Variants in RREB1 observed in about 807,000 individuals in gnomAD.
The protein encoded by RREB1 is ras responsive element binding protein 1, also known as ras-responsive element-binding protein 1.
Under a neutral mutation model 117.8 loss-of-function variants are expected in RREB1, and 27 were observed. The ratio of observed to expected loss-of-function variants is 0.23; its 90% CI spans 0.17 to 0.32. RREB1 has a LOEUF of 0.32. RREB1 is among the 10% of genes least tolerant of loss of function. The pLI is 1.00. For missense variants in RREB1, 2,577 were observed against 2,378.2 expected (o/e 1.08, Z -1.74); for synonymous variants, 1,298 against 1,026.7 (o/e 1.26, Z -5.05).
In RREB1 at chr6:7,231,917, C is replaced by T; in HGVS notation, c.3808+10C>T. ...ATGCTCACACACACTGGTAAGAGGG[C>T]CACCGGGCTCCCAGGCAGTGAGTCC... On this transcript the variant is annotated intron_variant, in intron 10 of 12. Transcript: ENST00000379938. 6.4e-7 allele frequency: 1 copy of T among 1,568,926 alleles called. No homozygotes were observed.
intron 1 of RREB1, among the ~76,000 whole-genome samples, chr6:7,153,097 G>A (rs1207956808): frequency 7.3e-6 from 1 of 137,636 alleles, no homozygotes; most frequent in Non-Finnish European, 1.5e-5. Context: ...ATTAATCTTT[G>A]TGAGAGGGTT....
intron 1 of RREB1, among the ~76,000 whole-genome samples, chr6:7,166,170 C>T (rs1339897713): frequency 1.3e-5 from 2 of 152,160 alleles, no homozygotes; most frequent in Admixed American, 6.5e-5. Context: ...CCACCCCCAA[C>T]TGCCAGCCCC....
intron 1 of RREB1, among the ~76,000 whole-genome samples, chr6:7,134,474 C>G (rs536492840): frequency 6.6e-6 from 1 of 152,278 alleles, no homozygotes; most frequent in South Asian, 2.1e-4. Flanking sequence ...TTTGGACATT[C>G]TAGAGCAATT....
Position 7,229,989 on chromosome 6 carries a change from C to T in RREB1, c.1890C>T (p.Pro630=), listed in dbSNP as rs928375736. The T allele has an allele frequency of 1.1e-5, 18 of 1,607,318 alleles. No individual in the cohort carries two copies. Among genetic ancestry groups the T allele is most frequent in the South Asian group, 2.2e-5 (2 of 90,750 alleles). ...EGELKAFMTA[P]GGKKTPAMRK... ...AACTCAAGGCCTTCATGACAGCGCC[C>T]GGCGGCAAGAAGACGCCCGCCATGC... is the stretch of plus-strand genomic sequence containing the variant. The change falls in exon 10 of 13, where the codon CCC becomes CCT. Residue 630 remains proline (P), a synonymous_variant. Coordinates refer to ENST00000379938, the MANE Select transcript of RREB1 (RefSeq NM_001003699.4). The surrounding 1 kb of genome is among the most constrained non-coding windows in gnomAD (Gnocchi z 4.5).
intron 1 of RREB1, among the ~76,000 whole-genome samples, chr6:7,150,006 T>TA (rs1260874443): frequency 6.6e-6 from 1 of 151,688 alleles, no homozygotes; most frequent in East Asian, 1.9e-4. Context: ...TTTTTTTTTT[T>TA]TTTTATTCTT....
intron 4 of RREB1, 75 bp downstream of exon 4, chr6:7,182,157 C>A: frequency 7.4e-7 from 1 of 1,345,076 alleles, no homozygotes; most frequent in Non-Finnish European, 1.0e-6. Context: ...TCCGAGTTTC[C>A]TATGATAAAA....
chr6:7,248,902 C>G lies in RREB1; in HGVS notation c.5163C>G (p.Ser1721Arg), dbSNP rs1211412463. The change falls in exon 13 of 13, where the codon AGC becomes AGG. Residue 1721 changes from serine (S) to arginine (R), a missense_variant. Physicochemically the swap from Ser to Arg is moderately radical, Grantham distance 110 (BLOSUM62 -1). Transcript: ENST00000379938. The part of the protein sequence containing the change: ...ALGQDLLEPR[S>R]KRPAHPILAT... ...GGCAGGACCTGCTGGAGCCGCGCAG[C>G]AAGAGGCCTGCCCACCCAATCCTGG... 4.5e-6 allele frequency: 7 copies of G among 1,559,032 alleles called. No homozygotes were observed. Among genetic ancestry groups the G allele is most frequent in the Non-Finnish European group, 6.1e-6 (7 of 1,154,042 alleles).
chr6:7,233,050 C>A (rs1282927230), intron 10 of RREB1, among the ~76,000 whole-genome samples: 3 of 152,190 alleles, frequency 2.0e-5, no homozygotes, highest in Non-Finnish European at 2.9e-5. Context: ...CATGCGCCAC[C>A]ATGCCCAGCT....
At chr6:7,203,880 C>G (rs755728195) in intron 6 of RREB1, among the ~76,000 whole-genome samples, 1 of 152,132 alleles carries the variant, frequency 6.6e-6, no homozygotes, top group Non-Finnish European at 1.5e-5. Context: ...TAGGAATAAA[C>G]GTCAGTATCA....
At chr6:7,224,100 A>T (rs761860239) in intron 8 of RREB1, among the ~76,000 whole-genome samples, 1 of 152,104 alleles carries the variant, frequency 6.6e-6, no homozygotes, top group African/African-American at 2.4e-5. Context: ...TGAATGCCAT[A>T]ATCGTAAAAA....
chr6:7,113,357 CAG>C (rs1319002329), intron 1 of RREB1, among the ~76,000 whole-genome samples: 1 of 152,200 alleles, frequency 6.6e-6, no homozygotes, highest in Non-Finnish European at 1.5e-5. Flanking sequence ...TCCCCCTTTT[CAG>C]AGACTATGGG....
chr6:7,237,385 C>CTT (rs200278722), intron 10 of RREB1, among the ~76,000 whole-genome samples: 7 of 148,626 alleles, frequency 4.7e-5, no homozygotes, highest in Non-Finnish European at 8.9e-5. Flanking sequence ...CCGTGCCGGC[C>CTT]TTTTTTTTTT....
chr6:7,148,602 G>A (rs1197944209), intron 1 of RREB1, among the ~76,000 whole-genome samples: 1 of 151,960 alleles, frequency 6.6e-6, no homozygotes, highest in Non-Finnish European at 1.5e-5. Context: ...TGTTCATCGT[G>A]ATGATCCTGA....
chr6:7,108,276 A>T (rs1760929703), intron 1 of RREB1, among the ~76,000 whole-genome samples: 1 of 151,732 alleles, frequency 6.6e-6, no homozygotes, highest in Non-Finnish European at 1.5e-5. Context: ...GCCAGGGATG[A>T]GCGGGGCAGC....
chr6:7,225,180 T>C (rs1767512196), intron 8 of RREB1, among the ~76,000 whole-genome samples: 2 of 152,184 alleles, frequency 1.3e-5, no homozygotes, highest in African/African-American at 4.8e-5. Context: ...TTTGCCTGGC[T>C]AAAACAGTGA....
chr6:7,244,178 G>T (rs1481974850), intron 11 of RREB1, among the ~76,000 whole-genome samples: 1 of 151,352 alleles, frequency 6.6e-6, no homozygotes, highest in Non-Finnish European at 1.5e-5. Context: ...CAGGAGAATC[G>T]CCTGAACCCA....
At chr6:7,191,596 G>C (rs1279454348) in intron 6 of RREB1, among the ~76,000 whole-genome samples, 1 of 152,092 alleles carries the variant, frequency 6.6e-6, no homozygotes, top group Non-Finnish European at 1.5e-5. Context: ...ATACTAACTC[G>C]ATCTATGAAC....
chr6:7,188,252 T>TGTGTGTGTGTGC (rs1411771705), intron 5 of RREB1, among the ~76,000 whole-genome samples: 33 of 147,666 alleles, frequency 2.2e-4, no homozygotes, highest in African/African-American at 7.2e-4. Flanking sequence ...TGTGTGTGTG[T>TGTGTGTGTGTGC]GCGCGCGCGC....
Position 7,231,489 on chromosome 6 carries a change from C to G in RREB1, c.3390C>G (p.Pro1130=), listed in dbSNP as rs754766223. 2 of 1,611,326 alleles carry G rather than the reference C, an allele frequency of 1.2e-6. No individual in the cohort carries two copies. The change falls in exon 10 of 13, where the codon CCC becomes CCG. Residue 1130 remains proline (P), a synonymous_variant. Transcript: ENST00000379938. ...GCCCAAAAGAGTCTAGTGAGCCTCCCGCTCCAGCCAGCAGCCCAGAGGCTG... is the reference window on the plus strand; with the variant it reads ...GCCCAAAAGAGTCTAGTGAGCCTCCGGCTCCAGCCAGCAGCCCAGAGGCTG... ...TTSPKESSEP[P]APASSPEAAS...
Sources: allele counts gnomAD v4.1 joint callset (sites outside exome capture counted in the v4.1 genomes callset), GRCh38; gene constraint gnomAD v4.1.1; non-coding constraint Gnocchi (gnomAD v3.1); transcripts MANE v1.5; gene names NCBI Gene and HGNC (gene_info 2026-07-23, HGNC 2026-07-21).